FGD1: variants seen among roughly 807,000 people sequenced by gnomAD.
FGD1 encodes the protein FYVE, RhoGEF and PH domain-containing protein 1.
Under a neutral mutation model 65.0 loss-of-function variants are expected in FGD1, and 12 were observed. That is an observed-to-expected ratio of 0.18 (90% confidence interval 0.12 to 0.30). FGD1 has a LOEUF of 0.30. FGD1 is among the 10% of genes least tolerant of loss of function. FGD1 has a pLI of 1.00. For missense variants in FGD1, 542 were observed against 837.6 expected (o/e 0.65, Z 4.36); for synonymous variants, 333 against 343.9 (o/e 0.97, Z 0.35).
At chrX:54,471,530 C>A in intron 1 of FGD1, 43 bp from the exon 2 acceptor site, 1 of 1,154,235 alleles carries the variant, frequency 8.7e-7, no homozygotes, top group Non-Finnish European at 1.2e-6. Context: ...CTGACTTTAA[C>A]CCAAAGGGGA....
chrX:54,454,358 G>C (rs936534919), intron 12 of FGD1, among the ~76,000 whole-genome samples: 4 of 111,797 alleles, frequency 3.6e-5, no homozygotes, highest in African/African-American at 1.3e-4. Context: ...ACCTAGAAAA[G>C]GTATAGTAAA....
intron 12 of FGD1, among the ~76,000 whole-genome samples, chrX:54,454,940 A>C (rs965094404): frequency 8.9e-6 from 1 of 112,328 alleles, no homozygotes; most frequent in African/African-American, 3.2e-5. Flanking sequence ...CACCTAAGAC[A>C]GCAATAATTT....
chrX:54,446,134 G>T lies in FGD1; in HGVS notation c.2861C>A (p.Ser954Tyr), dbSNP rs751842918. The change falls in exon 18 of 18, where the codon TCC becomes TAC. Residue 954 changes from serine (S) to tyrosine (Y), a missense_variant. By Grantham distance (144) the Ser-to-Tyr change is moderately radical. Transcript: ENST00000375135. ...ALGATAEPPE[S>Y]PQTRDKT ...CTAGGTCTTGTCTCGGGTCTGGGGG[G>T]ATTCGGGGGGTTCAGCAGTGGCTCC... 1.7e-6 allele frequency: 2 copies of T among 1,210,199 alleles called. No individual in the cohort carries two copies. The highest frequency in any genetic ancestry group is 3.0e-5 in the East Asian group (1 of 33,768).
Position 54,449,647 on chromosome X carries a change from G to T in FGD1, c.2148+12C>A. ...GGTCCCAGTGCAGGGGAAAGAGGGC[G>T]GGGACTCTTACTGGAGAGTTGGGTG... is the stretch of plus-strand genomic sequence containing the variant. On this transcript the variant is annotated intron_variant, in intron 14 of 17. Transcript: ENST00000375135. 1 of 1,127,047 alleles carries T rather than the reference G, an allele frequency of 8.9e-7. No homozygotes were observed. Among genetic ancestry groups the T allele is most frequent in the Non-Finnish European group, 1.2e-6 (1 of 822,762 alleles). The allele number at this position is 1,127,047 out of a possible 1,213,427, so 92.9% of individuals were successfully genotyped here.
chrX:54,452,862 C>G (rs1922413215), intron 12 of FGD1, among the ~76,000 whole-genome samples: 1 of 111,537 alleles, frequency 9.0e-6, no homozygotes, highest in Non-Finnish European at 1.9e-5. Context: ...CAGGTGGGTC[C>G]CAGGCATCCG....
chrX:54,478,688 A>C (rs1156906941), intron 1 of FGD1, among the ~76,000 whole-genome samples: 1 of 110,924 alleles, frequency 9.0e-6, no homozygotes, highest in Non-Finnish European at 1.9e-5. Flanking sequence ...CAAGGAAGGG[A>C]AAGAGCACAG....
At chrX:54,477,712 AG>A (rs1489631012) in intron 1 of FGD1, among the ~76,000 whole-genome samples, 1 of 111,148 alleles carries the variant, frequency 9.0e-6, no homozygotes, top group Non-Finnish European at 1.9e-5. Context: ...TACAGGCGTA[AG>A]CCACCATGCC....
At chrX:54,483,426 G>A (rs1008484202) in intron 1 of FGD1, among the ~76,000 whole-genome samples, 3 of 112,398 alleles carry the variant, frequency 2.7e-5, no homozygotes, top group Admixed American at 1.9e-4. Context: ...AGGCCCTGGC[G>A]GGCGGAAGGG....
intron 1 of FGD1, among the ~76,000 whole-genome samples, chrX:54,476,824 C>A (rs1923030351): frequency 9.1e-6 from 1 of 110,068 alleles, no homozygotes; most frequent in African/African-American, 3.3e-5. Flanking sequence ...CACATTTGGT[C>A]ACACCACCAA....
At position 54,467,828 on chromosome X, in the gene FGD1, G is replaced by A. The variant is rs897926482; in HGVS notation, c.1296C>T (p.His432=). Residue 432 remains histidine, a synonymous_variant, in exon 6 of 18, where the codon CAC becomes CAT. Coordinates refer to ENST00000375135, the MANE Select transcript of FGD1 (RefSeq NM_004463.3). ...FSNICSIYCF[H]QQFLLPELEK... ...CTAGCTCAGGCAGCAGGAACTGCTG[G>A]TGGAAGCAATAGATGGAGCAGATGT... 1.7e-6 allele frequency: 2 copies of A among 1,169,458 alleles called. No individual in the cohort carries two copies. The highest frequency in any genetic ancestry group is 3.2e-5 in the East Asian group (1 of 30,957).
At chrX:54,473,928 G>A (rs1003860839) in intron 1 of FGD1, among the ~76,000 whole-genome samples, 2 of 110,557 alleles carry the variant, frequency 1.8e-5, no homozygotes, top group East Asian at 2.8e-4. Flanking sequence ...AGGTTGCGGT[G>A]AGCCAAGATC....
In FGD1 at chrX:54,455,738, C is replaced by G. The variant is rs766944844; in HGVS notation, c.1889G>C (p.Gly630Ala). The G allele has an allele frequency of 1.3e-5, 15 of 1,190,133 alleles. No individual in the cohort carries two copies. Residue 630 changes from glycine to alanine, a missense_variant, in exon 11 of 18, where the codon GGC (glycine) becomes GCC (alanine). Physicochemically the swap from Gly to Ala is moderately conservative, Grantham distance 60 (BLOSUM62 0). Around this residue, in one of 6 missense-constraint regions of FGD1, gnomAD observed 182 missense variants for 311.4 expected, o/e 0.58. Transcript: ENST00000375135. ...GCGTGCCCGCACGCTAAACTTCTGG[C>G]CAAGGAGCCGCAGCCTGGGCACGCA... ...LYCVPRLRLL[G>A]QKFSVRARID... is the part of the protein sequence containing the mutation.
At chrX:54,458,275 G>A (rs1037585423) in intron 8 of FGD1, among the ~76,000 whole-genome samples, 2 of 111,325 alleles carry the variant, frequency 1.8e-5, no homozygotes, top group African/African-American at 3.3e-5. Context: ...GAGGCTGGGC[G>A]TGGTGGTTCA....
At chrX:54,486,621 T>G (rs1263135653) in intron 1 of FGD1, among the ~76,000 whole-genome samples, 2 of 110,287 alleles carry the variant, frequency 1.8e-5, no homozygotes, top group Non-Finnish European at 3.8e-5. Context: ...CCTCAAGTGA[T>G]CCACCCGCCT....
chrX:54,493,771 G>A (rs1320547424), intron 1 of FGD1, among the ~76,000 whole-genome samples: 1 of 112,154 alleles, frequency 8.9e-6, no homozygotes, highest in Non-Finnish European at 1.9e-5. Flanking sequence ...AGCCCACACT[G>A]AGGGAGCCCC....
chrX:54,488,402 G>A (rs1472087751), intron 1 of FGD1, among the ~76,000 whole-genome samples: 7 of 107,531 alleles, frequency 6.5e-5, no homozygotes, highest in African/African-American at 2.0e-4. Flanking sequence ...TGGCTAACAC[G>A]GTGAAACCCC....
At chrX:54,482,529 G>C (rs1923174168) in intron 1 of FGD1, among the ~76,000 whole-genome samples, 1 of 111,980 alleles carries the variant, frequency 8.9e-6, no homozygotes, top group African/African-American at 3.3e-5. Flanking sequence ...TGCCACGCTG[G>C]CTGAGATTCC....
chrX:54,468,673 T>TA, intron 5 of FGD1, 114 bp downstream of exon 5: 1 of 533,740 alleles, frequency 1.9e-6, no homozygotes, highest in Non-Finnish European at 3.3e-6. Context: ...AGAGGAGCCT[T>TA]ACTGCCTCTA....
intron 6 of FGD1, among the ~76,000 whole-genome samples, chrX:54,466,631 T>G (rs1054658866): frequency 8.9e-6 from 1 of 111,938 alleles, no homozygotes. Context: ...CAAGCTAGGC[T>G]TGGTCCATTT....
Sources: gnomAD v4.1 joint callset for allele counts (sites outside exome capture counted in the v4.1 genomes callset) on GRCh38, gnomAD v4.1.1 for gene constraint, gnomAD v4.1.1 regional missense constraint, MANE v1.5 for transcripts, NCBI Gene and HGNC (gene_info 2026-07-23, HGNC 2026-07-21) for gene names.